The following INSR variants were observed in gnomAD, a reference collection of about 807,000 sequenced individuals.
The protein encoded by INSR is IR.
INSR carries 67 observed loss-of-function variants against 142.6 expected under a neutral mutation model. The ratio of observed to expected loss-of-function variants is 0.47; its 90% CI spans 0.39 to 0.58. The LOEUF (loss-of-function observed/expected upper bound fraction) is 0.58. Ranked by LOEUF, INSR falls within the 20% of genes least tolerant of loss-of-function variation. The pLI, the probability that INSR is intolerant of heterozygous loss-of-function variation, is 0.00. For missense variants in INSR, 1,248 were observed against 1,833.2 expected (o/e 0.68, Z 5.83); for synonymous variants, 756 against 743.1 (o/e 1.02, Z -0.28).
intron 3 of INSR, among the ~76,000 whole-genome samples, chr19:7,182,968 AC>A (rs1974314719): frequency 6.6e-6 from 1 of 151,788 alleles, no homozygotes; most frequent in African/African-American, 2.4e-5. Flanking sequence ...TGATTTATAG[AC>A]CCTTTTGGTC....
At position 7,267,708 on chromosome 19, in the gene INSR, C is replaced by T; in HGVS notation, c.289G>A (p.Glu97Lys). 1 of 1,614,056 alleles carries T rather than the reference C, an allele frequency of 6.2e-7. No homozygotes were observed. The highest frequency in any genetic ancestry group is 8.5e-7 in the Non-Finnish European group (1 of 1,180,018). Residue 97 changes from glutamate (E) to lysine (K), a missense_variant, in exon 2 of 22, where the codon GAG becomes AAG. Physicochemically the swap from Glu to Lys is moderately conservative, Grantham distance 56. Around this residue, in one of 3 missense-constraint regions of INSR, gnomAD observed 1,069 missense variants for 1,654.0 expected, o/e 0.65. Transcript: ENST00000302850. This position sits in a 1 kb window ranked among gnomAD's most constrained non-coding sequence, Gnocchi z 6.3. The stretch of plus-strand genomic sequence containing the variant: ...TTGGGGAACAGGTCCTTCAGGCTCT[C>T]GAGCCCATAGACCCGGAAGAGCAGC... ...YLLLFRVYGL[E>K]SLKDLFPNLT... is the part of the protein sequence containing the mutation.
At chr19:7,232,670 C>T (rs553996637) in intron 2 of INSR, among the ~76,000 whole-genome samples, 42 of 151,878 alleles carry the variant, frequency 2.8e-4, no homozygotes, top group African/African-American at 6.7e-4. Context: ...ATCAGCCAGG[C>T]GTGGTGGCAG....
intron 2 of INSR, among the ~76,000 whole-genome samples, chr19:7,221,025 C>T (rs186130832): frequency 9.2e-5 from 14 of 152,274 alleles, no homozygotes; most frequent in African/African-American, 3.4e-4. Flanking sequence ...TCAGCTCCCT[C>T]GCCATGTGAT....
intron 2 of INSR, among the ~76,000 whole-genome samples, chr19:7,210,350 A>AAAG (rs1430868014): frequency 6.6e-6 from 1 of 151,484 alleles, no homozygotes; most frequent in Non-Finnish European, 1.5e-5. Flanking sequence ...CAAAAAAAAA[A>AAAG]AAAAAAAAGT....
At chr19:7,246,854 C>T (rs59779158) in intron 2 of INSR, among the ~76,000 whole-genome samples, 6,526 of 133,662 alleles carry the variant, frequency 0.049, 743 homozygotes, top group African/African-American at 0.21. Context: ...CAACAAGTTC[C>T]AAGTTGTATG....
chr19:7,149,956 G>GGAAGGAAGGAAGGAAA (rs1324566162), intron 11 of INSR, among the ~76,000 whole-genome samples: 9 of 7,680 alleles, frequency 1.2e-3, no homozygotes, highest in Admixed American at 1.8e-3. Context: ...AAGGAAGGAA[G>GGAAGGAAGGAAGGAAA]GAAGGAAGGA....
At chr19:7,268,470 T>C (rs1025525051) in intron 1 of INSR, 5 of 984,882 alleles carry the variant, frequency 5.1e-6, no homozygotes, top group Non-Finnish European at 4.8e-6. Flanking sequence ...ATGCCCTGAG[T>C]TCTCATTCTC....
At chr19:7,149,230 T>A (rs1973260124) in intron 11 of INSR, among the ~76,000 whole-genome samples, 1 of 152,174 alleles carries the variant, frequency 6.6e-6, no homozygotes, top group African/African-American at 2.4e-5. Context: ...GAGATTGAGA[T>A]CTGCTTTGGA....
At chr19:7,200,899 T>C (rs1974936912) in intron 2 of INSR, among the ~76,000 whole-genome samples, 2 of 147,872 alleles carry the variant, frequency 1.4e-5, no homozygotes, top group African/African-American at 5.0e-5. Flanking sequence ...GAGCCACACT[T>C]CCACACAAAA....
chr19:7,174,905 C>A (rs150021817), intron 3 of INSR, among the ~76,000 whole-genome samples, 174 bp from the exon 4 acceptor site: 2 of 151,978 alleles, frequency 1.3e-5, no homozygotes, highest in Non-Finnish European at 2.9e-5. Context: ...TGCAGTGGTG[C>A]GATCTCAGCT....
rs139912396 is a variant in INSR, at chr19:7,142,840, C to T, written c.2518G>A (p.Val840Ile). The change falls in exon 12 of 22, where the codon GTC (valine) becomes ATC (isoleucine). Residue 840 changes from valine to isoleucine, a missense_variant. Val to Ile is a conservative substitution (Grantham distance 29). Coordinates refer to ENST00000302850, the MANE Select transcript of INSR (RefSeq NM_000208.4). Reference protein sequence around the residue: ...PEERCSVAAYVSARTMPEAKA... With the variant: ...PEERCSVAAYISARTMPEAKA... ...CCTTCAGGCATGGTCCTCGCACTGACGTAGGCTGCCACACTGCACCGTTCC... is the reference window on the plus strand; with the variant it reads ...CCTTCAGGCATGGTCCTCGCACTGATGTAGGCTGCCACACTGCACCGTTCC... 3.5e-5 allele frequency: 56 copies of T among 1,614,090 alleles called. No individual in the cohort carries two copies. Among genetic ancestry groups the T allele is most frequent in the Non-Finnish European group, 4.4e-5 (52 of 1,180,044 alleles).
chr19:7,180,248 G>T (rs1158564826), intron 3 of INSR, among the ~76,000 whole-genome samples: 1 of 152,142 alleles, frequency 6.6e-6, no homozygotes, highest in East Asian at 1.9e-4. Context: ...GACAACAAAG[G>T]CTAGGTACAG....
chr19:7,158,931 T>A (rs113613284), intron 9 of INSR, among the ~76,000 whole-genome samples: 8 of 148,828 alleles, frequency 5.4e-5, no homozygotes, highest in Non-Finnish European at 1.0e-4. Flanking sequence ...TTTGGTGGAG[T>A]CTTGCTCTGT....
chr19:7,184,992 C>T (rs148883390), intron 2 of INSR, among the ~76,000 whole-genome samples: 1 of 152,254 alleles, frequency 6.6e-6, no homozygotes, highest in African/African-American at 2.4e-5. Flanking sequence ...AGTTACTAAA[C>T]ATAAGCTGAC....
chr19:7,253,929 T>C (rs1012504005), intron 2 of INSR, among the ~76,000 whole-genome samples: 2 of 149,282 alleles, frequency 1.3e-5, no homozygotes, highest in African/African-American at 5.0e-5. Context: ...CTCAGGAGGC[T>C]GAGGTAGGAG....
intron 21 of INSR, among the ~76,000 whole-genome samples, chr19:7,118,656 C>T (rs1379679039): frequency 6.6e-6 from 1 of 151,176 alleles, no homozygotes; most frequent in African/African-American, 2.4e-5. Flanking sequence ...AATTAACAGG[C>T]GGCTGTAATC....
At chr19:7,260,888 T>C (rs1045430103) in intron 2 of INSR, among the ~76,000 whole-genome samples, 1 of 151,688 alleles carries the variant, frequency 6.6e-6, no homozygotes, top group Non-Finnish European at 1.5e-5. Flanking sequence ...TTCTTTTTTT[T>C]TTTTTTAAAG....
At chr19:7,174,443 A>G in intron 4 of INSR, 140 bp downstream of exon 4, 1 of 900,174 alleles carries the variant, frequency 1.1e-6, no homozygotes, top group East Asian at 2.5e-5. Flanking sequence ...GGTTCTATCC[A>G]TGGGGGAGCC....
At chr19:7,152,316 G>A (rs947289613) in intron 10 of INSR, 39 of 288,544 alleles carry the variant, frequency 1.4e-4, no homozygotes, top group African/African-American at 8.4e-4. Flanking sequence ...ACTCGAACCC[G>A]GAAAGGGTGA....
Sources: gnomAD v4.1 joint callset for allele counts (sites outside exome capture counted in the v4.1 genomes callset) on GRCh38, gnomAD v4.1.1 for gene constraint, gnomAD v4.1.1 regional missense constraint, Gnocchi (gnomAD v3.1) non-coding constraint, MANE v1.5 for transcripts, NCBI Gene and HGNC (gene_info 2026-07-23, HGNC 2026-07-21) for gene names.